Variants in GCNT1 observed in about 807,000 individuals in gnomAD.
GCNT1 encodes the protein glucosaminyl (N-acetyl) transferase 1, also known as beta-1,3-galactosyl-O-glycosyl-glycoprotein beta-1,6-N-acetylglucosaminyltransferase.
GCNT1 carries 16 observed loss-of-function variants against 26.2 expected under a neutral mutation model. The ratio of observed to expected loss-of-function variants is 0.61; its 90% CI spans 0.41 to 0.93. The LOEUF is 0.93. Among genes scored for constraint, GCNT1 ranks in the 40% least tolerant of loss-of-function variants. The pLI is 0.00. For missense variants in GCNT1, 477 were observed against 526.7 expected (o/e 0.91, Z 0.92); for synonymous variants, 183 against 190.8 (o/e 0.96, Z 0.34).
intron 2 of GCNT1, among the ~76,000 whole-genome samples, chr9:76,461,374 C>T (rs912245203): frequency 2.2e-4 from 33 of 151,632 alleles, no homozygotes; most frequent in Admixed American, 9.9e-4. Flanking sequence ...GGGTGGATCA[C>T]GAGGTCAGGA....
At chr9:76,451,909 C>A (rs1263512639) in intron 1 of GCNT1, among the ~76,000 whole-genome samples, 1 of 149,958 alleles carries the variant, frequency 6.7e-6, no homozygotes, top group Non-Finnish European at 1.5e-5. Flanking sequence ...TAGCCATACA[C>A]TTCCTTATAG....
chr9:76,410,151 G>T, the GCNT1 span, among the ~76,000 whole-genome samples: 6 of 152,076 alleles, frequency 3.9e-5, no homozygotes, highest in African/African-American at 1.4e-4. Context: ...TAAAATTTGG[G>T]CTGGGCACGG....
chr9:76,411,411 C>A, the GCNT1 span, among the ~76,000 whole-genome samples: 1 of 151,916 alleles, frequency 6.6e-6, no homozygotes, highest in Non-Finnish European at 1.5e-5. Flanking sequence ...TCACTGCAGC[C>A]TTAACCTCCT....
At chr9:76,413,967 C>T in the GCNT1 span, among the ~76,000 whole-genome samples, 1 of 151,914 alleles carries the variant, frequency 6.6e-6, no homozygotes, top group Non-Finnish European at 1.5e-5. Context: ...GTGATTTTTT[C>T]CTCAGCCATG....
At chr9:76,454,100 G>A (rs1171405385) in intron 1 of GCNT1, among the ~76,000 whole-genome samples, 1 of 152,106 alleles carries the variant, frequency 6.6e-6, no homozygotes, top group Non-Finnish European at 1.5e-5. Flanking sequence ...ACCAGTATCG[G>A]CTGAGTGCGG....
the GCNT1 span, among the ~76,000 whole-genome samples, chr9:76,400,420 C>G: frequency 6.6e-6 from 1 of 152,158 alleles, no homozygotes. Flanking sequence ...ATTCTCCCAG[C>G]CTTAGATTTG....
At position 76,502,764 on chromosome 9, in the gene GCNT1, T is replaced by A. The variant is rs1166815125; in HGVS notation, c.383T>A (p.Val128Glu). 1 of 1,614,052 alleles carries A rather than the reference T, an allele frequency of 6.2e-7. No homozygotes were observed. Among genetic ancestry groups the A allele is most frequent in the Non-Finnish European group, 8.5e-7 (1 of 1,180,026 alleles). Residue 128 changes from valine to glutamate, a missense_variant, in exon 4 of 4, where the codon GTG becomes GAG. Val to Glu is a moderately radical substitution (Grantham distance 121). Transcript: ENST00000376730. ...GAGTTTCCAATAGCATATTCTATAG[T>A]GGTTCATCACAAGATTGAAATGCTT... ...EAEFPIAYSI[V>E]VHHKIEMLDR... is the part of the protein sequence containing the mutation.
intron 2 of GCNT1, among the ~76,000 whole-genome samples, chr9:76,475,442 A>G (rs1210790886): frequency 6.6e-6 from 1 of 152,230 alleles, no homozygotes; most frequent in Non-Finnish European, 1.5e-5. Context: ...ATGAGCTATA[A>G]GGCACACTTA....
intron 2 of GCNT1, among the ~76,000 whole-genome samples, chr9:76,464,270 G>A (rs1158704996): frequency 6.6e-6 from 1 of 152,160 alleles, no homozygotes; most frequent in Non-Finnish European, 1.5e-5. Context: ...AGGTTGGAAT[G>A]CAGTGGCACC....
intron 1 of GCNT1, among the ~76,000 whole-genome samples, chr9:76,449,493 T>G (rs1823630768): frequency 6.6e-6 from 1 of 152,180 alleles, no homozygotes; most frequent in African/African-American, 2.4e-5. Flanking sequence ...AATTTCCCTT[T>G]GCAAAGGTGA....
chr9:76,457,794 A>G (rs1823783945), upstream of GCNT1, among the ~76,000 whole-genome samples: 1 of 152,164 alleles, frequency 6.6e-6, no homozygotes, highest in Admixed American at 6.5e-5. Context: ...TTATGCTTGA[A>G]TTGCTCATGA....
chr9:76,507,281 A>G lies in GCNT1; in HGVS notation c.*3613A>G, dbSNP rs1825264177. The stretch of plus-strand genomic sequence containing the variant: ...ACGATTTTTAAGTAAGTTGGGGACC[A>G]TCAGTTTAAAATAAATGCAATACTA... On this transcript the variant is annotated 3_prime_UTR_variant, in exon 4 of 4. Transcript: ENST00000376730. 1 of 167,108 alleles carries G rather than the reference A, an allele frequency of 6.0e-6. No individual in the cohort carries two copies. Among genetic ancestry groups the G allele is most frequent in the African/African-American group, 2.4e-5 (1 of 41,462 alleles). 10.4% of individuals were successfully genotyped at this position (167,108 alleles called of 1,614,324 possible).
the GCNT1 span, chr9:76,393,900 G>T: frequency 1.7e-6 from 1 of 575,664 alleles, no homozygotes; most frequent in East Asian, 3.2e-5. Context: ...CTCGGAGCCA[G>T]AAGCAGGGAC....
intron 2 of GCNT1, 139 bp downstream of exon 2, chr9:76,460,316 T>A (rs1009277042): frequency 6.6e-6 from 1 of 152,172 alleles, no homozygotes; most frequent in Admixed American, 6.5e-5. Flanking sequence ...TGGGAAGATA[T>A]ATGGTGTTCA....
At chr9:76,486,774 CAAAAG>C (rs1387787996) in intron 2 of GCNT1, among the ~76,000 whole-genome samples, 5 of 152,046 alleles carry the variant, frequency 3.3e-5, no homozygotes, top group Admixed American at 1.3e-4. Context: ...TTCTGGCAGT[CAAAAG>C]AGAAGAAAGA....
At chr9:76,498,923 G>A (rs2501944) in intron 2 of GCNT1, among the ~76,000 whole-genome samples, 136,193 of 152,042 alleles carry the variant, frequency 0.9, 61,249 homozygotes, top group East Asian at 0.98. Flanking sequence ...AAATTTGTCT[G>A]TATATATATA....
At chr9:76,400,643 C>T in the GCNT1 span, among the ~76,000 whole-genome samples, 3,599 of 152,270 alleles carry the variant, frequency 0.024, 141 homozygotes, top group African/African-American at 0.081. Context: ...ATTCCTCTAA[C>T]TCACTCTTTG....
upstream of GCNT1, among the ~76,000 whole-genome samples, chr9:76,439,761 G>T (rs898600775): frequency 6.6e-6 from 1 of 152,142 alleles, no homozygotes; most frequent in Admixed American, 6.5e-5. Flanking sequence ...TTAGAAGGAA[G>T]CTAGAAGAGA....
At chr9:76,483,491 C>T (rs1400318597) in intron 2 of GCNT1, among the ~76,000 whole-genome samples, 3 of 151,814 alleles carry the variant, frequency 2.0e-5, no homozygotes, top group East Asian at 1.9e-4. Flanking sequence ...CATAGCTCAC[C>T]GCAGCCTCGA....
Sources: allele counts gnomAD v4.1 joint callset (sites outside exome capture counted in the v4.1 genomes callset), GRCh38; gene constraint gnomAD v4.1.1; transcripts MANE v1.5; gene names NCBI Gene and HGNC (gene_info 2026-07-23, HGNC 2026-07-21).